The following NELL1 variants were observed in gnomAD, a reference collection of about 807,000 sequenced individuals.
NELL1 encodes the protein protein kinase C-binding protein NELL1.
NELL1 carries 76 observed loss-of-function variants against 107.4 expected under a neutral mutation model. That is an observed-to-expected ratio of 0.71 (90% CI 0.59 to 0.86). The LOEUF (loss-of-function observed/expected upper bound fraction) is 0.86, where lower values mean the gene tolerates loss of function less well. Ranked by LOEUF, NELL1 falls within the 40% of genes least tolerant of loss-of-function variation. The pLI, the probability that NELL1 is intolerant of heterozygous loss-of-function variation, is 0.00. For missense variants in NELL1, 1,024 were observed against 1,005.5 expected, an observed-to-expected ratio of 1.02 and a Z score of -0.25; for synonymous variants, 353 against 341.2, an observed-to-expected ratio of 1.03 and a Z score of -0.38.
chr11:21,573,132 A>G, intron 18 of NELL1, 53 bp from the exon 19 acceptor site: 2 of 1,386,466 alleles, frequency 1.4e-6, no homozygotes, highest in Non-Finnish European at 2.0e-6. Flanking sequence ...GACTTTGGGA[A>G]TAAAATTATG....
intron 4 of NELL1, among the ~76,000 whole-genome samples, chr11:20,853,082 T>C (rs915161895): frequency 6.6e-6 from 1 of 152,184 alleles, no homozygotes; most frequent in African/African-American, 2.4e-5. Flanking sequence ...CATTATGTGA[T>C]CTGAATCTGA....
chr11:21,231,437 T>C (rs1296330200), intron 14 of NELL1, among the ~76,000 whole-genome samples: 3 of 152,302 alleles, frequency 2.0e-5, no homozygotes, highest in African/African-American at 7.2e-5. Context: ...CTCAGCTTTT[T>C]TAAAAGGCTA....
At position 20,738,881 on chromosome 11, in the gene NELL1, G is replaced by A. The variant is rs547532888; in HGVS notation, c.185-44799G>A. On this transcript the variant is annotated intron_variant, in intron 2 of 19. Transcript: ENST00000357134. ...GAAGTGGAGTCAGACTTTGCTTAAT[G>A]TATTTCTTAAAGGTGTGTTTCCTGT... Among the ~76,000 whole-genome samples the A allele has an allele frequency of 4.6e-5, 7 of 152,292 alleles. No individual in the cohort carries two copies. In the South Asian group the frequency reaches 1.2e-3, roughly 27 times the overall value.
chr11:21,449,109 A>G (rs1314928457), intron 15 of NELL1, among the ~76,000 whole-genome samples: 1 of 152,186 alleles, frequency 6.6e-6, no homozygotes, highest in African/African-American at 2.4e-5. Context: ...GCAGGTGAAT[A>G]TTTAACTTTT....
chr11:20,699,230 A>G lies in NELL1; in HGVS notation c.184+21170A>G, dbSNP rs911773366. Among the ~76,000 whole-genome samples, 5 of 152,168 alleles carry G rather than the reference A, an allele frequency of 3.3e-5. No homozygotes were observed. The South Asian group carries it at 1.0e-3, about 32-fold the overall frequency. On this transcript the variant is annotated intron_variant, in intron 2 of 19. Transcript: ENST00000357134. ...AGACTCTGTCTCAAAAACAAACAAA[A>G]AAAACAAAACAAACAAAAAAGAATA...
chr11:21,510,791 T>A (rs558401252), intron 15 of NELL1, among the ~76,000 whole-genome samples: 5 of 152,314 alleles, frequency 3.3e-5, no homozygotes, highest in Non-Finnish European at 7.4e-5. Flanking sequence ...ATGTGACCCA[T>A]CCTCTTCCTT....
intron 5 of NELL1, among the ~76,000 whole-genome samples, chr11:20,899,195 TC>T (rs1849818592): frequency 6.6e-6 from 1 of 151,944 alleles, no homozygotes; most frequent in South Asian, 2.1e-4. Context: ...AATGAACACA[TC>T]TAGCACATGG....
intron 14 of NELL1, among the ~76,000 whole-genome samples, chr11:21,327,677 C>A (rs1565170141): frequency 6.6e-6 from 1 of 152,100 alleles, no homozygotes; most frequent in Non-Finnish European, 1.5e-5. Context: ...GTTTGGAGGT[C>A]TCAGAAGAAG....
At chr11:20,839,704 T>A (rs1848589172) in intron 3 of NELL1, among the ~76,000 whole-genome samples, 1 of 152,206 alleles carries the variant, frequency 6.6e-6, no homozygotes, top group African/African-American at 2.4e-5. Flanking sequence ...ATGGATTGAA[T>A]GGCAGAGGGG....
At chr11:21,199,795 C>CT (rs35219787) in intron 13 of NELL1, among the ~76,000 whole-genome samples, 147,390 of 147,802 alleles carry the variant, frequency 1, 73,490 homozygotes, top group Non-Finnish European at 1. Context: ...TATCCCTCCC[C>CT]AGCCCCCCAC....
chr11:20,678,142 G>T lies in NELL1; in HGVS notation c.184+82G>T. 5.3e-6 allele frequency: 8 copies of T among 1,504,382 alleles called. No homozygotes were observed. In the South Asian group the frequency reaches 7.9e-5, roughly 15 times the overall value. 93.2% of individuals were successfully genotyped at this position (1,504,382 alleles called of 1,614,324 possible). On this transcript the variant is annotated intron_variant, in intron 2 of 19. Coordinates refer to ENST00000357134, the MANE Select transcript of NELL1 (RefSeq NM_006157.5). ...GGGAGTGCTCATTTGTTGTGTGTTT[G>T]TCTGGAGATCGCCTTTGCTATTTCT...
At chr11:21,488,885 G>C (rs980366522) in intron 15 of NELL1, among the ~76,000 whole-genome samples, 1 of 151,662 alleles carries the variant, frequency 6.6e-6, no homozygotes, top group African/African-American at 2.4e-5. Flanking sequence ...AACTGGAAAA[G>C]CAAGAACACA....
At chr11:20,700,984 T>C (rs543024364) in intron 2 of NELL1, among the ~76,000 whole-genome samples, 185 of 152,332 alleles carry the variant, frequency 1.2e-3, no homozygotes, top group African/African-American at 4.3e-3. Flanking sequence ...TGCATGTGTC[T>C]TTATAGCAGC....
At chr11:20,685,676 C>A (rs775650821) in intron 2 of NELL1, among the ~76,000 whole-genome samples, 1 of 152,040 alleles carries the variant, frequency 6.6e-6, no homozygotes, top group African/African-American at 2.4e-5. Flanking sequence ...GGTGAGCTCT[C>A]GTTAAACTTG....
Position 21,105,993 on chromosome 11 carries a change from G to T in NELL1, c.1301-7596G>T, listed in dbSNP as rs139755921. 3.2e-3 allele frequency among the ~76,000 whole-genome samples: 394 copies of T among 125,064 alleles called. 2 individuals carry two copies. Among genetic ancestry groups the T allele is most frequent in the African/African-American group, 0.012 (373 of 32,186 alleles). 82.0% of individuals were successfully genotyped at this position (125,064 alleles called of 152,430 possible). The stretch of plus-strand genomic sequence containing the variant: ...CCTTTCATCTTTCTTCTTTCTCTCT[G>T]TTTCTCTCTCCTCTTGGCTCACTAA... On this transcript the variant is annotated intron_variant, in intron 12 of 19. Coordinates refer to ENST00000357134, the MANE Select transcript of NELL1 (RefSeq NM_006157.5).
intron 5 of NELL1, among the ~76,000 whole-genome samples, chr11:20,895,878 A>G (rs895180734): frequency 6.6e-6 from 1 of 152,190 alleles, no homozygotes; most frequent in African/African-American, 2.4e-5. Flanking sequence ...GTGTTGCTGC[A>G]AATGACATGA....
chr11:21,288,970 A>C (rs1243606553), intron 14 of NELL1, among the ~76,000 whole-genome samples: 1 of 152,198 alleles, frequency 6.6e-6, no homozygotes, highest in Non-Finnish European at 1.5e-5. Flanking sequence ...TAAGAAGTGA[A>C]GACCAAGGCT....
intron 14 of NELL1, among the ~76,000 whole-genome samples, chr11:21,347,159 G>C (rs10833514): frequency 0.14 from 21,221 of 152,198 alleles, 1,789 homozygotes; most frequent in Non-Finnish European, 0.2. Context: ...GTCATGCAAG[G>C]CATTTCCGAG....
chr11:21,483,643 G>A (rs1409777745), intron 15 of NELL1, among the ~76,000 whole-genome samples: 1 of 151,826 alleles, frequency 6.6e-6, no homozygotes, highest in African/African-American at 2.4e-5. Context: ...TTAATTTAAA[G>A]AGGATGCCTA....
Sources: gnomAD v4.1 joint callset for allele counts (sites outside exome capture counted in the v4.1 genomes callset) on GRCh38, gnomAD v4.1.1 for gene constraint, MANE v1.5 for transcripts, NCBI Gene and HGNC (gene_info 2026-07-23, HGNC 2026-07-21) for gene names.